DCDC2C: variants seen among roughly 807,000 people sequenced by gnomAD.
The protein encoded by DCDC2C is doublecortin domain containing 2C, also known as doublecortin domain-containing protein 2C.
In DCDC2C, 44 loss-of-function variants were observed where a neutral mutation model predicts 45.0. That is an observed-to-expected ratio of 0.98 (90% CI 0.77 to 1.26). DCDC2C has a LOEUF of 1.26. Among genes scored for constraint, DCDC2C ranks in the 50% most tolerant of loss-of-function variants. The probability of loss-of-function intolerance (pLI) is 0.00; values close to 1 mark genes in which losing one functional copy is unlikely to be tolerated. For missense variants in DCDC2C, 447 were observed against 468.9 expected (o/e 0.95, Z 0.43); for synonymous variants, 187 against 178.8 (o/e 1.05, Z -0.37).
chr2:3,758,567 T>G (rs949813802), intron 6 of DCDC2C, among the ~76,000 whole-genome samples: 2 of 152,220 alleles, frequency 1.3e-5, no homozygotes, highest in African/African-American at 4.8e-5. Context: ...CCAGCTCTTG[T>G]GTAGGACCTG....
At chr2:3,769,174 T>C in intron 7 of DCDC2C, 137 bp from the exon 8 acceptor site, 2 of 709,942 alleles carry the variant, frequency 2.8e-6, no homozygotes, top group African/African-American at 1.8e-5. Context: ...CGGACGGGGT[T>C]TGGGACTGCA....
chr2:3,794,489 A>G (rs1211940491), intron 10 of DCDC2C, among the ~76,000 whole-genome samples: 1 of 152,196 alleles, frequency 6.6e-6, no homozygotes, highest in Non-Finnish European at 1.5e-5. Flanking sequence ...AGCATTAGGT[A>G]TATCTCCCAA....
intron 3 of DCDC2C, among the ~76,000 whole-genome samples, chr2:3,735,814 A>G (rs571103545): frequency 2.7e-5 from 4 of 145,572 alleles, no homozygotes. Context: ...GGGTTTGACC[A>G]TTTTTTTTTT....
intron 7 of DCDC2C, 76 bp downstream of exon 7, chr2:3,767,956 A>G: frequency 1.1e-6 from 1 of 923,442 alleles, no homozygotes; most frequent in Non-Finnish European, 1.6e-6. Context: ...TTTTTTTTTC[A>G]GAGAAATCTT....
intron 6 of DCDC2C, among the ~76,000 whole-genome samples, chr2:3,766,505 C>T (rs539607401): frequency 1.3e-5 from 2 of 152,302 alleles, no homozygotes; most frequent in Admixed American, 1.3e-4. Flanking sequence ...CTCATTTCTT[C>T]TCCTTAAGAA....
intron 10 of DCDC2C, among the ~76,000 whole-genome samples, chr2:3,804,829 C>A (rs1170895752): frequency 1.3e-5 from 2 of 152,182 alleles, no homozygotes; most frequent in African/African-American, 4.8e-5. Flanking sequence ...CCCATTCTGG[C>A]CTCCTAAACC....
chr2:3,790,512 G>T (rs1382941012), intron 10 of DCDC2C, among the ~76,000 whole-genome samples: 1 of 152,236 alleles, frequency 6.6e-6, no homozygotes, highest in East Asian at 1.9e-4. Context: ...AATTAACATT[G>T]CCAGAAATGC....
At chr2:3,835,714 A>AT (rs1369720840) in intron 10 of DCDC2C, among the ~76,000 whole-genome samples, 1 of 152,076 alleles carries the variant, frequency 6.6e-6, no homozygotes, top group Admixed American at 6.5e-5. Flanking sequence ...CTTGAGTCTC[A>AT]TTTTTTATAT....
chr2:3,743,821 A>G (rs1001399687), intron 4 of DCDC2C, among the ~76,000 whole-genome samples: 1 of 152,204 alleles, frequency 6.6e-6, no homozygotes, highest in African/African-American at 2.4e-5. Flanking sequence ...TAATCCCAGC[A>G]CTTTGGGAGG....
rs1270456540 is a variant in DCDC2C, at chr2:3,703,576, G to A, written c.-176G>A. ...ACACGCAGCCTCCGCCCGCCTGGCA[G>A]CCCCGTCCCGTCCCCGTCCAGCCCC... On this transcript the variant is annotated 5_prime_UTR_variant, in exon 1 of 11. Coordinates refer to ENST00000399143, the MANE Select transcript of DCDC2C (RefSeq NM_001287444.2). The surrounding 1 kb of genome is among the most constrained non-coding windows in gnomAD (Gnocchi z 4.4). 3.2e-5 allele frequency: 19 copies of A among 598,348 alleles called. No homozygotes were observed. The highest frequency in any genetic ancestry group is 8.3e-5 in the South Asian group (1 of 12,118). 37.1% of individuals were successfully genotyped at this position (598,348 alleles called of 1,614,324 possible).
intron 10 of DCDC2C, among the ~76,000 whole-genome samples, chr2:3,836,894 C>G (rs1256332775): frequency 6.6e-6 from 1 of 151,018 alleles, no homozygotes; most frequent in Non-Finnish European, 1.5e-5. Flanking sequence ...CTGGTCTTCT[C>G]TGTACTATCT....
Position 3,761,376 on chromosome 2 carries a change from C to T in DCDC2C, c.727-6378C>T, listed in dbSNP as rs1464234629. On this transcript the variant is annotated intron_variant, in intron 6 of 10. Coordinates refer to ENST00000399143, the MANE Select transcript of DCDC2C (RefSeq NM_001287444.2). This position sits in a 1 kb window ranked among gnomAD's most constrained non-coding sequence, Gnocchi z 4.3. ...ATAAAGCATATAAATTAAGGAGGTG[C>T]GTGTGTGTGTGCGTGTGTGTGTGCG... 2.6e-5 allele frequency among the ~76,000 whole-genome samples: 4 copies of T among 151,772 alleles called. No individual in the cohort carries two copies. Among genetic ancestry groups the T allele is most frequent in the South Asian group, 2.1e-4 (1 of 4,784 alleles).
chr2:3,773,247 TG>T (rs1291016348), intron 8 of DCDC2C, among the ~76,000 whole-genome samples: 2 of 42,152 alleles, frequency 4.7e-5, no homozygotes, highest in African/African-American at 7.7e-5. Context: ...AACGACCCCC[TG>T]TTTTTTTTCC....
At chr2:3,759,190 C>T (rs1038640192) in intron 6 of DCDC2C, among the ~76,000 whole-genome samples, 8 of 152,086 alleles carry the variant, frequency 5.3e-5, no homozygotes, top group African/African-American at 1.4e-4. Context: ...GCCTTTGACT[C>T]GGAGTCAAAA....
chr2:3,803,044 G>T (rs191780631), intron 10 of DCDC2C, among the ~76,000 whole-genome samples: 1 of 152,260 alleles, frequency 6.6e-6, no homozygotes, highest in African/African-American at 2.4e-5. Flanking sequence ...CATTTGCTTT[G>T]TGACTAGTTC....
chr2:3,778,271 A>G (rs545317752), intron 8 of DCDC2C, among the ~76,000 whole-genome samples: 2 of 152,342 alleles, frequency 1.3e-5, no homozygotes, highest in African/African-American at 2.4e-5. Context: ...CCTGACTGCT[A>G]CAGAAATATA....
intron 10 of DCDC2C, among the ~76,000 whole-genome samples, chr2:3,820,839 C>T (rs1464040520): frequency 6.6e-6 from 1 of 152,088 alleles, no homozygotes; most frequent in African/African-American, 2.4e-5. Flanking sequence ...GTTCCTTGGG[C>T]TGGTTGGTCT....
chr2:3,790,146 C>T (rs1670766417), intron 10 of DCDC2C, among the ~76,000 whole-genome samples: 1 of 152,166 alleles, frequency 6.6e-6, no homozygotes, highest in Non-Finnish European at 1.5e-5. Flanking sequence ...TTCAGGTGCT[C>T]TACAGAAGCT....
rs762076339 is a variant in DCDC2C at position 3,767,788 on chromosome 2, A to G, written c.761A>G (p.Asp254Gly). The G allele has an allele frequency of 6.1e-5, 94 of 1,550,556 alleles. No homozygotes were observed. The highest frequency in any genetic ancestry group is 7.9e-5 in the Non-Finnish European group (91 of 1,146,986). The change falls in exon 7 of 11, where the codon GAT (aspartate) becomes GGT (glycine). Residue 254 changes from aspartate to glycine, a missense_variant. By Grantham distance (94) the Asp-to-Gly change is moderately conservative (BLOSUM62 -1). Coordinates refer to ENST00000399143, the MANE Select transcript of DCDC2C (RefSeq NM_001287444.2). ...DSKGKEPCKY[D>G]GIPPKTQDSV... is the part of the protein sequence containing the mutation. ...AAAGGAAAAGAACCTTGTAAATATG[A>G]TGGCATACCCCCTAAAACACAGGAT...
Sources: allele counts gnomAD v4.1 joint callset (sites outside exome capture counted in the v4.1 genomes callset), GRCh38; gene constraint gnomAD v4.1.1; non-coding constraint Gnocchi (gnomAD v3.1); transcripts MANE v1.5; gene names NCBI Gene and HGNC (gene_info 2026-07-23, HGNC 2026-07-21).